The following PSAT1 variants were observed in gnomAD, a reference collection of about 807,000 sequenced individuals.
PSAT1 encodes the protein phosphoserine aminotransferase 1.
Under a neutral mutation model 40.3 loss-of-function variants are expected in PSAT1, and 41 were observed. That is an observed-to-expected ratio of 1.02 (90% CI 0.79 to 1.32). PSAT1 has a LOEUF of 1.32. Ranked by LOEUF, PSAT1 falls within the 40% of genes most tolerant of loss-of-function variation. The probability of loss-of-function intolerance (pLI) is 0.00; values close to 1 mark genes in which losing one functional copy is unlikely to be tolerated. For missense variants in PSAT1, 406 were observed against 455.8 expected, an observed-to-expected ratio of 0.89 and a Z score of 0.99; for synonymous variants, 147 against 170.5, an observed-to-expected ratio of 0.86 and a Z score of 1.07.
chr9:78,326,934 A>AATATATATATATATATATAT (rs1210919066), intron 7 of PSAT1, among the ~76,000 whole-genome samples: 75 of 104,480 alleles, frequency 7.2e-4, no homozygotes, highest in African/African-American at 1.1e-3. Flanking sequence ...AAGTGACAGC[A>AATATATATATATATATATAT]ATATATATAT....
chr9:78,328,606 GAATGTCCTCACAT>G (rs1828534855), intron 8 of PSAT1, among the ~76,000 whole-genome samples: 1 of 104,842 alleles, frequency 9.5e-6, no homozygotes, highest in Non-Finnish European at 1.8e-5. Flanking sequence ...TAGCAGCAGG[GAATGTCCTCACAT>G]GAGAATAGCC....
chr9:78,321,016 C>G lies in PSAT1; in HGVS notation c.869+3212C>G, dbSNP rs950962957. The stretch of plus-strand genomic sequence containing the variant: ...ATTCTGGGACTCTCCTGAATCCCCC[C>G]CCGCCACGCCTAGGTCCTTTAACTC... On this transcript the variant is annotated intron_variant, in intron 7 of 8. Coordinates refer to ENST00000376588, the MANE Select transcript of PSAT1 (RefSeq NM_058179.4). Among the ~76,000 whole-genome samples the G allele has an allele frequency of 1.2e-3, 183 of 152,198 alleles. 2 individuals carry two copies. Among genetic ancestry groups the G allele is most frequent in the African/African-American group, 3.4e-3 (140 of 41,516 alleles).
intron 1 of PSAT1, 47 bp from the exon 2 acceptor site, chr9:78,300,555 G>C: frequency 1.9e-6 from 3 of 1,584,228 alleles, no homozygotes; most frequent in Admixed American, 1.8e-5. Context: ...AGGGAAAGCA[G>C]TGCAGAACAT....
chr9:78,317,687 T>G lies in PSAT1; in HGVS notation c.752T>G (p.Met251Arg). ...NTPPCFSIYV[M>R]GLVLEWIKNN... ...AATCTTCATTTTAGCATCTACGTCA[T>G]GGGCTTGGTTCTGGAGTGGATTAAA... The change falls in exon 7 of 9, where the codon ATG becomes AGG. Residue 251 changes from methionine to arginine, a missense_variant. Physicochemically the swap from Met to Arg is moderately conservative, Grantham distance 91 (BLOSUM62 -1). Transcript: ENST00000376588. 1 of 1,613,942 alleles carries G rather than the reference T, an allele frequency of 6.2e-7. No homozygotes were observed. Among genetic ancestry groups the G allele is most frequent in the South Asian group, 1.1e-5 (1 of 91,070 alleles).
rs1828542585 is a variant in PSAT1, at chr9:78,329,031, A to G, written c.1058A>G (p.Asp353Gly). ...ASLYNAVTIE[D>G]VQKLAAFMKK... ...CTGTATAATGCTGTCACAATTGAAG[A>G]CGTTCAGAAGCTGGCCGCCTTCATG... Residue 353 changes from aspartate (D) to glycine (G), a missense_variant, in exon 9 of 9, where the codon GAC becomes GGC. By Grantham distance (94) the Asp-to-Gly change is moderately conservative. Transcript: ENST00000376588. 6.2e-7 allele frequency: 1 copy of G among 1,613,412 alleles called. No homozygotes were observed. The highest frequency in any genetic ancestry group is 1.3e-5 in the African/African-American group (1 of 75,036).
Position 78,301,090 on chromosome 9 carries a change from G to A in PSAT1, c.121+428G>A, listed in dbSNP as rs181843589. 5.8e-3 allele frequency among the ~76,000 whole-genome samples: 888 copies of A among 152,126 alleles called. 1 individual carries two copies. The highest frequency in any genetic ancestry group is 0.01 in the Non-Finnish European group (709 of 67,990). On this transcript the variant is annotated intron_variant, in intron 2 of 8. Coordinates refer to ENST00000376588, the MANE Select transcript of PSAT1 (RefSeq NM_058179.4). ...AATATAGAATTACAGGGCCTATAGG[G>A]TCTTCCTATAGGCCTTTATAGATAC...
chr9:78,310,371 T>C (rs1254911546), intron 6 of PSAT1, among the ~76,000 whole-genome samples: 1 of 152,032 alleles, frequency 6.6e-6, no homozygotes, highest in Non-Finnish European at 1.5e-5. Flanking sequence ...AAAGGATGAG[T>C]GTGGATTTGC....
chr9:78,306,526 C>G, intron 5 of PSAT1, 40 bp downstream of exon 5: 2 of 1,611,098 alleles, frequency 1.2e-6, no homozygotes, highest in Non-Finnish European at 1.7e-6. Context: ...CCCACTGACT[C>G]GGTGTCTGCA....
chr9:78,297,485 C>T (rs930743575), intron 1 of PSAT1, among the ~76,000 whole-genome samples: 1 of 152,234 alleles, frequency 6.6e-6, no homozygotes, highest in Non-Finnish European at 1.5e-5. Context: ...CGTGCCCGTG[C>T]AGCTGCCCCT....
chr9:78,304,749 A>G lies in PSAT1; in HGVS notation c.206A>G (p.Asn69Ser). ...LVRELLAVPDNYKVIFLQGGG... is the reference protein window; with the variant it reads ...LVRELLAVPDSYKVIFLQGGG... ...CTTCTGCCCAGAGCTGTTCCAGACAACTATAAGGTGATTTTTCTGCAAGGA... is the reference window on the plus strand; with the variant it reads ...CTTCTGCCCAGAGCTGTTCCAGACAGCTATAAGGTGATTTTTCTGCAAGGA... Residue 69 changes from asparagine to serine, a missense_variant, in exon 4 of 9, where the codon AAC (asparagine) becomes AGC (serine). Asn to Ser is a conservative substitution (Grantham distance 46, BLOSUM62 1). Coordinates refer to ENST00000376588, the MANE Select transcript of PSAT1 (RefSeq NM_058179.4). The G allele has an allele frequency of 6.2e-7, 1 of 1,613,936 alleles. No homozygotes were observed. The highest frequency in any genetic ancestry group is 1.3e-5 in the African/African-American group (1 of 75,056).
rs1210919066 is a variant in PSAT1 at position 78,326,934 on chromosome 9, A to AATAT, written c.870-1098_870-1095dup. Among the ~76,000 whole-genome samples, 611 of 104,472 alleles carry AATAT rather than the reference A, an allele frequency of 5.8e-3. 11 individuals are homozygous for AATAT. The highest frequency in any genetic ancestry group is 0.013 in the East Asian group (43 of 3,288). 68.5% of individuals were successfully genotyped at this position (104,472 alleles called of 152,430 possible). A position where few individuals can be genotyped will look rare whatever the true frequency, so the allele number is the denominator to read the frequency against. Reference sequence around the variant, plus strand: ...AGCTCAAACATGCTTAAGTGACAGCAATATATATATATATATATATATTTT... The same window carrying AATAT: ...AGCTCAAACATGCTTAAGTGACAGCAATATATATATATATATATATATATATTTT... On this transcript the variant is annotated intron_variant, in intron 7 of 8. Transcript: ENST00000376588.
Position 78,317,673 on chromosome 9 carries a change from T to C in PSAT1, c.741-3T>C, listed in dbSNP as rs1291018374. The C allele has an allele frequency of 6.2e-7, 1 of 1,613,212 alleles. No individual in the cohort carries two copies. The highest frequency in any genetic ancestry group is 1.1e-5 in the South Asian group (1 of 91,062). ...ACGGATTTTTTAAAAATCTTCATTTTAGCATCTACGTCATGGGCTTGGTTC... is the reference window on the plus strand; with the variant it reads ...ACGGATTTTTTAAAAATCTTCATTTCAGCATCTACGTCATGGGCTTGGTTC... On this transcript the variant is annotated splice_polypyrimidine_tract_variant and splice_region_variant and intron_variant, in intron 6 of 8. Coordinates refer to ENST00000376588, the MANE Select transcript of PSAT1 (RefSeq NM_058179.4).
In PSAT1 at chr9:78,308,568, C is replaced by T. The variant is rs149101687; in HGVS notation, c.725C>T (p.Thr242Met). The T allele has an allele frequency of 2.9e-5, 47 of 1,614,052 alleles. No individual in the cohort carries two copies. The highest frequency in any genetic ancestry group is 5.5e-5 in the South Asian group (5 of 91,068). The change falls in exon 6 of 9, where the codon ACG becomes ATG. Residue 242 changes from threonine (T) to methionine (M), a missense_variant. By Grantham distance (81) the Thr-to-Met change is moderately conservative. Transcript: ENST00000376588. Reference protein sequence around the residue: ...VQAGNSSLYNTPPCFSIYVMG... With the variant: ...VQAGNSSLYNMPPCFSIYVMG... Reference sequence around the variant, plus strand: ...GCTGGAAACAGCTCCTTGTACAACACGCCTCCATGTTTCAGGTAACTCTGG... The same window carrying T: ...GCTGGAAACAGCTCCTTGTACAACATGCCTCCATGTTTCAGGTAACTCTGG...
chr9:78,297,306 C>T, intron 1 of PSAT1, 36 bp downstream of exon 1: 1 of 1,574,368 alleles, frequency 6.4e-7, no homozygotes, highest in Non-Finnish European at 8.6e-7. Context: ...GAGTGAGGTT[C>T]AGGCGGGAGC....
chr9:78,297,809 C>G (rs1828048317), intron 1 of PSAT1, among the ~76,000 whole-genome samples: 1 of 152,192 alleles, frequency 6.6e-6, no homozygotes, highest in Non-Finnish European at 1.5e-5. Context: ...TAAAGGTCCG[C>G]GTGTGCGTGC....
intron 4 of PSAT1, 151 bp downstream of exon 4, chr9:78,305,091 C>A: frequency 1.4e-6 from 1 of 715,642 alleles, no homozygotes; most frequent in African/African-American, 1.8e-5. Flanking sequence ...AAGACTAGAG[C>A]CTATGCATAC....
chr9:78,329,125 A>G lies in PSAT1; in HGVS notation c.*39A>G, dbSNP rs375713892. On this transcript the variant is annotated 3_prime_UTR_variant, in exon 9 of 9. Transcript: ENST00000376588. ...AGGATATACTCTGTTCTTGAACAACATACAAAGTTTAAAGTAACTTGGGGA... is the reference window on the plus strand; with the variant it reads ...AGGATATACTCTGTTCTTGAACAACGTACAAAGTTTAAAGTAACTTGGGGA... The G allele has an allele frequency of 9.1e-5, 132 of 1,444,368 alleles. No homozygotes were observed. The African/African-American group carries it at 1.6e-3, about 17-fold the overall frequency. 89.5% of individuals were successfully genotyped at this position (1,444,368 alleles called of 1,614,324 possible). A position where few individuals can be genotyped will look rare whatever the true frequency, so the allele number is the denominator to read the frequency against.
intron 1 of PSAT1, 65 bp from the exon 2 acceptor site, chr9:78,300,537 A>G: frequency 5.8e-6 from 9 of 1,547,450 alleles, no homozygotes; most frequent in Non-Finnish European, 7.9e-6. Context: ...TCAGGTTTGT[A>G]TGTTCAGAGG....
At chr9:78,308,189 C>T (rs1189104992) in intron 5 of PSAT1, among the ~76,000 whole-genome samples, 9 of 152,264 alleles carry the variant, frequency 5.9e-5, no homozygotes, top group African/African-American at 2.2e-4. Context: ...CTTGGGTTAG[C>T]CCCATCCAGG....
Sources: allele counts gnomAD v4.1 joint callset (sites outside exome capture counted in the v4.1 genomes callset), GRCh38; gene constraint gnomAD v4.1.1; transcripts MANE v1.5; gene names NCBI Gene and HGNC (gene_info 2026-07-23, HGNC 2026-07-21).